The following OIP5 variants were observed in gnomAD, a reference collection of about 807,000 sequenced individuals.
OIP5 encodes the protein protein Mis18-beta.
Under a neutral mutation model 20.3 loss-of-function variants are expected in OIP5, and 24 were observed. The ratio of observed to expected loss-of-function variants is 1.18; its 90% confidence interval spans 0.86 to 1.66. OIP5 has a LOEUF of 1.66. OIP5 is among the 40% of genes most tolerant of loss of function. OIP5 has a pLI of 0.00. For synonymous variants in OIP5, 143 were observed against 121.3 expected (o/e 1.18, Z -1.17); for missense variants, 339 against 289.5 (o/e 1.17, Z -1.24).
chr15:41,327,547 T>C (rs1256466127), intron 2 of OIP5, among the ~76,000 whole-genome samples: 1 of 150,528 alleles, frequency 6.6e-6, no homozygotes, highest in African/African-American at 2.5e-5. Context: ...CCCAACACTT[T>C]GGGAGGCTGA....
At chr15:41,332,159 G>T (rs1032494133) in intron 1 of OIP5, 81 bp downstream of exon 1, 1 of 1,448,312 alleles carries the variant, frequency 6.9e-7, no homozygotes, top group South Asian at 1.3e-5. Context: ...TCCCCAGGTG[G>T]TTCTCCGCCA....
At chr15:41,317,412 G>A (rs917025287) in intron 3 of OIP5, among the ~76,000 whole-genome samples, 64 of 146,120 alleles carry the variant, frequency 4.4e-4, no homozygotes, top group African/African-American at 1.3e-3. Context: ...ACAGAGTCTC[G>A]CTCTGTTGCC....
chr15:41,310,367 C>T (rs2047746594), intron 4 of OIP5, among the ~76,000 whole-genome samples: 2 of 152,210 alleles, frequency 1.3e-5, no homozygotes, highest in South Asian at 4.1e-4. Context: ...TGGCTCACGC[C>T]TCTAACCCCA....
intron 2 of OIP5, among the ~76,000 whole-genome samples, chr15:41,324,068 T>C (rs2047846796): frequency 6.7e-6 from 1 of 148,188 alleles, no homozygotes; most frequent in African/African-American, 2.5e-5. Flanking sequence ...CACAGCTCCA[T>C]TGCAGCCTCG....
intron 2 of OIP5, among the ~76,000 whole-genome samples, chr15:41,325,647 T>A (rs1033979315): frequency 4.0e-5 from 6 of 150,718 alleles, no homozygotes; most frequent in Admixed American, 1.3e-4. Context: ...GGTCAGGAGT[T>A]CAGGACCAGC....
intron 2 of OIP5, among the ~76,000 whole-genome samples, chr15:41,324,989 G>A (rs1235382875): frequency 6.6e-6 from 1 of 152,132 alleles, no homozygotes; most frequent in African/African-American, 2.4e-5. Context: ...CAAAACACAG[G>A]CATGTATTGA....
intron 3 of OIP5, among the ~76,000 whole-genome samples, chr15:41,319,074 C>CT (rs755273212): frequency 0.01 from 1,477 of 141,302 alleles, 21 homozygotes; most frequent in Middle Eastern, 0.025. Context: ...TGTCTTTTTT[C>CT]TTTTTTTTTT....
At chr15:41,330,693 ACGCCCGG>A (rs1373855592) in intron 2 of OIP5, among the ~76,000 whole-genome samples, 1 of 152,118 alleles carries the variant, frequency 6.6e-6, no homozygotes, top group Non-Finnish European at 1.5e-5. Context: ...GTGAGCCACC[ACGCCCGG>A]CCCGTAATCA....
intron 3 of OIP5, among the ~76,000 whole-genome samples, chr15:41,318,610 TGAAA>T (rs1567025372): frequency 6.6e-6 from 1 of 152,106 alleles, no homozygotes; most frequent in African/African-American, 2.4e-5. Context: ...GTTTCTTTAA[TGAAA>T]GAATACCCTC....
chr15:41,317,169 C>A (rs2047793433), intron 3 of OIP5, among the ~76,000 whole-genome samples: 1 of 152,084 alleles, frequency 6.6e-6, no homozygotes, highest in Admixed American at 6.6e-5. Flanking sequence ...ATTATTTTTA[C>A]TTTTCTCTGT....
In OIP5 at chr15:41,332,269, G is replaced by A. The variant is rs780070850; in HGVS notation, c.293C>T (p.Ser98Leu). Residue 98 changes from serine (S) to leucine (L), a missense_variant, in exon 1 of 5, where the codon TCG becomes TTG. Transcript: ENST00000220514. Reference protein sequence around the residue: ...ADSVHLAWDLSRSLGAVVFSR... With the variant: ...ADSVHLAWDLLRSLGAVVFSR... Reference sequence around the variant, plus strand: ...GAAGACCACGGCCCCGAGGGACCGCGACAGGTCCCAGGCGAGGTGCACCGA... The same window carrying A: ...GAAGACCACGGCCCCGAGGGACCGCAACAGGTCCCAGGCGAGGTGCACCGA... The A allele has an allele frequency of 6.4e-7, 1 of 1,559,480 alleles. No homozygotes were observed. Among genetic ancestry groups the A allele is most frequent in the Non-Finnish European group, 8.7e-7 (1 of 1,153,834 alleles).
rs776477998 is a variant in OIP5 at position 41,332,540 on chromosome 15, G to A, written c.22C>T (p.His8Tyr). MAAQPLR[H>Y]RSRCATPPRG... ...GGCGGCGTTGCACAACGTGAGCGAT[G>A]CCGCAGCGGCTGAGCCGCCATCTTC... Residue 8 changes from histidine (H) to tyrosine (Y), a missense_variant, in exon 1 of 5, where the codon CAT becomes TAT. By Grantham distance (83) the His-to-Tyr change is moderately conservative (BLOSUM62 2). Coordinates refer to ENST00000220514, the MANE Select transcript of OIP5 (RefSeq NM_007280.2). 3.1e-6 allele frequency: 5 copies of A among 1,607,584 alleles called. No individual in the cohort carries two copies. Among genetic ancestry groups the A allele is most frequent in the South Asian group, 2.2e-5 (2 of 90,618 alleles).
Position 41,332,399 on chromosome 15 carries a change from GC to G in OIP5, c.162del (p.Leu55TrpfsTer66), listed in dbSNP as rs1308959795. On this transcript the variant is annotated frameshift_variant, in exon 1 of 5. Transcript: ENST00000220514. LOFTEE classifies it high-confidence loss of function. ...VKGSSPLGPA[G>X]LGAEEPAAGP... ...CCGGCGGCTGGCTCCTCAGCCCCCA[GC>G]CCTGCGGGGCCGAGCGGCGAGGACC... The G allele has an allele frequency of 2.0e-5, 33 of 1,613,762 alleles. No individual in the cohort carries two copies. The highest frequency in any genetic ancestry group is 2.7e-5 in the Non-Finnish European group (32 of 1,179,790).
At chr15:41,314,200 C>T (rs1409719035) in intron 3 of OIP5, among the ~76,000 whole-genome samples, 2 of 152,084 alleles carry the variant, frequency 1.3e-5, no homozygotes, top group African/African-American at 4.8e-5. Flanking sequence ...CTCCTGGGTT[C>T]AAGCGATTCT....
At chr15:41,320,920 C>T (rs1329518988) in intron 2 of OIP5, among the ~76,000 whole-genome samples, 2 of 150,582 alleles carry the variant, frequency 1.3e-5, no homozygotes, top group African/African-American at 2.5e-5. Flanking sequence ...ATGTGGGGAA[C>T]GCCTCTGCCC....
chr15:41,318,587 C>T (rs1337741119), intron 3 of OIP5, among the ~76,000 whole-genome samples: 3 of 152,198 alleles, frequency 2.0e-5, no homozygotes, highest in Admixed American at 2.0e-4. Context: ...CACACCACCA[C>T]ATCTGGCAAC....
At chr15:41,324,736 G>A (rs909232801) in intron 2 of OIP5, among the ~76,000 whole-genome samples, 5 of 151,880 alleles carry the variant, frequency 3.3e-5, no homozygotes, top group African/African-American at 9.7e-5. Flanking sequence ...TGATCCACCC[G>A]CCTCAGTCTC....
At chr15:41,324,440 C>G (rs896974558) in intron 2 of OIP5, among the ~76,000 whole-genome samples, 4 of 152,154 alleles carry the variant, frequency 2.6e-5, no homozygotes, top group African/African-American at 9.7e-5. Context: ...ACCACTCAAA[C>G]TTTCTCCATA....
chr15:41,329,787 C>T (rs1292273346), intron 2 of OIP5, among the ~76,000 whole-genome samples: 3 of 151,690 alleles, frequency 2.0e-5, no homozygotes, highest in African/African-American at 7.3e-5. Flanking sequence ...CTGCAACCCC[C>T]GCCTACCAGA....
Sources: gnomAD v4.1 joint callset for allele counts (sites outside exome capture counted in the v4.1 genomes callset) on GRCh38, gnomAD v4.1.1 for gene constraint, MANE v1.5 for transcripts, NCBI Gene and HGNC (gene_info 2026-07-23, HGNC 2026-07-21) for gene names.